The following OTUD7A variants were observed in gnomAD, a reference collection of about 807,000 sequenced individuals.
OTUD7A encodes OTU domain-containing protein 7A.
Under a neutral mutation model 65.7 loss-of-function variants are expected in OTUD7A, and 12 were observed. The observed-to-expected ratio is 0.18, with a 90% CI of 0.12 to 0.30. The LOEUF (loss-of-function observed/expected upper bound fraction) is 0.30, where lower values mean the gene tolerates loss of function less well. Among genes scored for constraint, OTUD7A ranks in the 10% least tolerant of loss-of-function variants. The pLI is 1.00. For synonymous variants in OTUD7A, 641 were observed against 586.3 expected, an observed-to-expected ratio of 1.09 and a Z score of -1.35; for missense variants, 1,148 against 1,304.8, an observed-to-expected ratio of 0.88 and a Z score of 1.85.
intron 1 of OTUD7A, among the ~76,000 whole-genome samples, chr15:31,675,243 C>T (rs2141299702): frequency 6.6e-6 from 1 of 152,244 alleles, no homozygotes; most frequent in Middle Eastern, 3.4e-3. Flanking sequence ...ATCTTGGGTG[C>T]TTGGTTGTGG....
chr15:31,714,542 G>A (rs1184232386), intron 1 of OTUD7A, among the ~76,000 whole-genome samples: 1 of 152,108 alleles, frequency 6.6e-6, no homozygotes, highest in Non-Finnish European at 1.5e-5. Flanking sequence ...AATTCATGAA[G>A]TTGTACATTT....
rs555248271 is a variant in OTUD7A, at chr15:31,817,280, C to T, written c.-100+53227G>A. ...TACACCACCCTAGATCATTTGCCCC[C>T]CCCCATCACTCATGGCTTATCAGTG... is the stretch of plus-strand genomic sequence containing the variant. On this transcript the variant is annotated intron_variant, in intron 1 of 12. Coordinates refer to ENST00000307050, the MANE Select transcript of OTUD7A (RefSeq NM_001382637.1). Among the ~76,000 whole-genome samples, 87 of 149,250 alleles carry T rather than the reference C, an allele frequency of 5.8e-4. 1 individual carries two copies. Among genetic ancestry groups the T allele is most frequent in the African/African-American group, 2.1e-3 (84 of 40,778 alleles).
Position 31,572,042 on chromosome 15 carries a change from T to C in OTUD7A, c.152-1845A>G, listed in dbSNP as rs1002059200. Reference sequence around the variant, plus strand: ...CTTAATTTATACCCTCCTTTGAAGATTAATTCCATCTCTATGAGAATAAGC... The same window carrying C: ...CTTAATTTATACCCTCCTTTGAAGACTAATTCCATCTCTATGAGAATAAGC... On this transcript the variant is annotated intron_variant, in intron 3 of 12. Coordinates refer to ENST00000307050, the MANE Select transcript of OTUD7A (RefSeq NM_001382637.1). Among the ~76,000 whole-genome samples the C allele has an allele frequency of 3.9e-5, 6 of 152,322 alleles. No homozygotes were observed. The South Asian group carries it at 1.0e-3, about 26-fold the overall frequency.
chr15:31,807,035 T>A (rs190687405), intron 1 of OTUD7A, among the ~76,000 whole-genome samples: 21 of 152,338 alleles, frequency 1.4e-4, no homozygotes, highest in Non-Finnish European at 2.5e-4. Flanking sequence ...CCCTCTCCCA[T>A]CTGGAGATGT....
Position 31,484,775 on chromosome 15 carries a change from A to G in OTUD7A, c.1372-51T>C, listed in dbSNP as rs748243910. The G allele has an allele frequency of 6.4e-7, 1 of 1,563,704 alleles. No homozygotes were observed. The highest frequency in any genetic ancestry group is 2.3e-5 in the East Asian group (1 of 43,682). ...GAAGGTGGTTAGAGAAGAGCTGTCCACGCGCCAGCGAGGAAGACACACCTT... is the reference window on the plus strand; with the variant it reads ...GAAGGTGGTTAGAGAAGAGCTGTCCGCGCGCCAGCGAGGAAGACACACCTT... On this transcript the variant is annotated intron_variant, in intron 12 of 12. Coordinates refer to ENST00000307050, the MANE Select transcript of OTUD7A (RefSeq NM_001382637.1). This position sits in a 1 kb window ranked among gnomAD's most constrained non-coding sequence, Gnocchi z 4.5.
intron 1 of OTUD7A, among the ~76,000 whole-genome samples, chr15:31,659,045 A>C (rs12901870): frequency 3.2e-5 from 3 of 94,318 alleles, no homozygotes; most frequent in African/African-American, 1.2e-4. Flanking sequence ...ATGAATGAAT[A>C]AATAAATAAA....
chr15:31,627,745 A>G (rs2054224475), intron 3 of OTUD7A, among the ~76,000 whole-genome samples: 2 of 152,186 alleles, frequency 1.3e-5, no homozygotes, highest in South Asian at 4.1e-4. Flanking sequence ...CATCCTCTCC[A>G]GCACCTGTTG....
At chr15:31,809,654 C>T (rs1000027825) in intron 1 of OTUD7A, among the ~76,000 whole-genome samples, 4 of 152,172 alleles carry the variant, frequency 2.6e-5, no homozygotes, top group African/African-American at 9.7e-5. Flanking sequence ...CTTCAGCAGC[C>T]ACCTTGTGGC....
chr15:31,683,050 T>C (rs114548794), intron 1 of OTUD7A, among the ~76,000 whole-genome samples: 7 of 152,162 alleles, frequency 4.6e-5, no homozygotes, highest in Non-Finnish European at 8.8e-5. Flanking sequence ...GGAATCAAGA[T>C]AGTCAACGGC....
chr15:31,639,800 T>C (rs1413550292), intron 3 of OTUD7A, among the ~76,000 whole-genome samples: 3 of 152,244 alleles, frequency 2.0e-5, no homozygotes, highest in Non-Finnish European at 2.9e-5. Context: ...GCTTATTTGC[T>C]ATCCATGTAT....
chr15:31,633,913 C>T (rs1214707082), intron 3 of OTUD7A, among the ~76,000 whole-genome samples: 1 of 152,230 alleles, frequency 6.6e-6, no homozygotes, highest in Non-Finnish European at 1.5e-5. Flanking sequence ...GAGGAACTCA[C>T]TGCTTCTGGT....
chr15:31,767,591 A>G, intron 1 of OTUD7A: 2 of 812,896 alleles, frequency 2.5e-6, no homozygotes, highest in Non-Finnish European at 4.4e-6. Flanking sequence ...GACTTCTTCT[A>G]GGGATGGCAC....
At chr15:31,767,889 C>T in intron 1 of OTUD7A, 1 of 1,438,416 alleles carries the variant, frequency 7.0e-7, no homozygotes, top group Non-Finnish European at 9.8e-7. Flanking sequence ...GGCAACGTTG[C>T]AGGAAATCTG....
At chr15:31,700,555 C>T (rs1393754202) in intron 1 of OTUD7A, among the ~76,000 whole-genome samples, 1 of 152,224 alleles carries the variant, frequency 6.6e-6, no homozygotes, top group Non-Finnish European at 1.5e-5. Flanking sequence ...TTCTCTTTTC[C>T]TCTATCTCTT....
At chr15:31,629,255 G>C (rs1203928276) in intron 3 of OTUD7A, among the ~76,000 whole-genome samples, 1 of 152,152 alleles carries the variant, frequency 6.6e-6, no homozygotes, top group African/African-American at 2.4e-5. Context: ...TTAATATTTT[G>C]AGATATGTCC....
chr15:31,766,139 T>C (rs1895088606), intron 1 of OTUD7A: 2 of 1,456,164 alleles, frequency 1.4e-6, no homozygotes, highest in Non-Finnish European at 1.9e-6. Flanking sequence ...CTTGAAGAAT[T>C]TCCTGATCAT....
intron 3 of OTUD7A, among the ~76,000 whole-genome samples, chr15:31,631,450 T>C (rs1468930285): frequency 6.6e-6 from 1 of 152,222 alleles, no homozygotes; most frequent in African/African-American, 2.4e-5. Flanking sequence ...GTTTCTGCCG[T>C]GAGATCAGCT....
At chr15:31,493,247 A>G (rs2041342712) in intron 10 of OTUD7A, among the ~76,000 whole-genome samples, 1 of 152,210 alleles carries the variant, frequency 6.6e-6, no homozygotes, top group Non-Finnish European at 1.5e-5. Context: ...AGCCATATTT[A>G]TGTCAAAGTA....
At chr15:31,781,233 T>C (rs1172851842) in intron 1 of OTUD7A, among the ~76,000 whole-genome samples, 1 of 152,184 alleles carries the variant, frequency 6.6e-6, no homozygotes, top group Non-Finnish European at 1.5e-5. Context: ...CACTAGAACA[T>C]GTACACTTGG....
Sources: allele counts gnomAD v4.1 joint callset (sites outside exome capture counted in the v4.1 genomes callset), GRCh38; gene constraint gnomAD v4.1.1; non-coding constraint Gnocchi (gnomAD v3.1); transcripts MANE v1.5; gene names NCBI Gene and HGNC (gene_info 2026-07-23, HGNC 2026-07-21).